The following LRRTM4 variants were observed in gnomAD, a reference collection of about 807,000 sequenced individuals.
The protein encoded by LRRTM4 is leucine rich repeat transmembrane neuronal 4, also known as leucine-rich repeat transmembrane neuronal protein 4.
A neutral mutation model predicts 47.6 loss-of-function variants in LRRTM4; 25 were observed. The observed-to-expected ratio is 0.53, with a 90% confidence interval of 0.38 to 0.73. The LOEUF (loss-of-function observed/expected upper bound fraction) is 0.73. Among genes scored for constraint, LRRTM4 ranks in the 30% least tolerant of loss-of-function variants. The probability of loss-of-function intolerance (pLI) is 0.00; values close to 1 mark genes in which losing one functional copy is unlikely to be tolerated. For synonymous variants in LRRTM4, 311 were observed against 269.5 expected (o/e 1.15, Z -1.51); for missense variants, 638 against 713.4 (o/e 0.89, Z 1.20).
chr2:77,131,973 T>C (rs1340262244), intron 3 of LRRTM4, among the ~76,000 whole-genome samples: 1 of 152,236 alleles, frequency 6.6e-6, no homozygotes, highest in Non-Finnish European at 1.5e-5. Context: ...AGGGTATCCA[T>C]AACCTCAAGT....
rs199691221 is a variant in LRRTM4 at position 77,362,111 on chromosome 2, A to AAGAGAGAG, written c.1551+156206_1551+156207insCTCTCTCT. ...TCAAAAAAGGAAAAGGAAAGAAAGA[A>AAGAGAGAG]AGAGAGAAAGAAAGAAAGAAAGAAA... On this transcript the variant is annotated intron_variant, in intron 3 of 3. Coordinates refer to ENST00000409884, the MANE Select transcript of LRRTM4 (RefSeq NM_001134745.3). Among the ~76,000 whole-genome samples the AAGAGAGAG allele has an allele frequency of 1.8e-3, 241 of 134,762 alleles. 2 individuals are homozygous for AAGAGAGAG. Among genetic ancestry groups the AAGAGAGAG allele is most frequent in the African/African-American group, 5.6e-3 (204 of 36,450 alleles). The allele number at this position is 134,762 out of a possible 152,430, so 88.4% of individuals were successfully genotyped here. A position where few individuals can be genotyped will look rare whatever the true frequency, so the allele number is the denominator to read the frequency against.
At chr2:76,932,162 A>G (rs1379229042) in intron 3 of LRRTM4, among the ~76,000 whole-genome samples, 1 of 152,110 alleles carries the variant, frequency 6.6e-6, no homozygotes. Context: ...GCCACGGAGC[A>G]TCATATCCAG....
intron 3 of LRRTM4, among the ~76,000 whole-genome samples, chr2:77,032,651 AT>A (rs1181070011): frequency 2.6e-5 from 4 of 152,264 alleles, no homozygotes; most frequent in African/African-American, 9.6e-5. Context: ...GCAAAGAAGG[AT>A]CATTAATATA....
chr2:76,863,326 A>G (rs922621299), intron 3 of LRRTM4, among the ~76,000 whole-genome samples: 2 of 152,192 alleles, frequency 1.3e-5, no homozygotes, highest in Non-Finnish European at 2.9e-5. Context: ...GTATTTCCTC[A>G]CTTTTTAAAT....
At chr2:76,794,650 TTTTGTTTATTTTC>T (rs1426525700) in intron 3 of LRRTM4, among the ~76,000 whole-genome samples, 2 of 152,180 alleles carry the variant, frequency 1.3e-5, no homozygotes, top group Non-Finnish European at 2.9e-5. Flanking sequence ...ATTTACATTT[TTTTGTTTATTTTC>T]TTCTTATTCC....
chr2:77,260,582 A>G (rs928902043), intron 3 of LRRTM4, among the ~76,000 whole-genome samples: 2 of 152,104 alleles, frequency 1.3e-5, no homozygotes, highest in Admixed American at 6.6e-5. Flanking sequence ...CTAATTTGCC[A>G]TCATTTAGTT....
At chr2:77,055,212 T>G (rs1015752703) in intron 3 of LRRTM4, among the ~76,000 whole-genome samples, 1 of 152,214 alleles carries the variant, frequency 6.6e-6, no homozygotes, top group Non-Finnish European at 1.5e-5. Flanking sequence ...CTCCCTGGGC[T>G]GCTGGATACC....
chr2:77,305,930 G>A (rs1282484848), intron 3 of LRRTM4, among the ~76,000 whole-genome samples: 1 of 152,054 alleles, frequency 6.6e-6, no homozygotes, highest in East Asian at 1.9e-4. Context: ...CAGGATAATA[G>A]TATGTACATT....
At chr2:77,084,637 G>C (rs972344365) in intron 3 of LRRTM4, among the ~76,000 whole-genome samples, 1 of 152,058 alleles carries the variant, frequency 6.6e-6, no homozygotes, top group African/African-American at 2.4e-5. Flanking sequence ...GACTGATTTT[G>C]GTCTGCCATT....
chr2:77,476,996 G>A (rs1398721985), intron 3 of LRRTM4, among the ~76,000 whole-genome samples: 2 of 96,324 alleles, frequency 2.1e-5, no homozygotes, highest in Non-Finnish European at 5.2e-5. Context: ...GTGTGTGTGT[G>A]TATGTGTGTA....
chr2:76,794,200 AAGCTTAT>A (rs1162370356), intron 3 of LRRTM4, among the ~76,000 whole-genome samples: 95 of 152,342 alleles, frequency 6.2e-4, no homozygotes, highest in Non-Finnish European at 1.5e-4. Flanking sequence ...ATTACTATGT[AAGCTTAT>A]AGCTTATTGA....
In LRRTM4 at chr2:77,429,632, A is replaced by G. The variant is rs188763997; in HGVS notation, c.1551+88686T>C. Among the ~76,000 whole-genome samples the G allele has an allele frequency of 4.9e-3, 752 of 152,316 alleles. 13 individuals carry two copies. The highest frequency in any genetic ancestry group is 0.016 in the African/African-American group (678 of 41,578). ...GAAAAATACCACATAGTTTCACTTT[A>G]TGTGTATGTGGAATCAGAAAAAGTT... On this transcript the variant is annotated intron_variant, in intron 3 of 3. Transcript: ENST00000409884.
At chr2:76,797,973 T>C (rs1023610571) in intron 3 of LRRTM4, among the ~76,000 whole-genome samples, 3 of 148,456 alleles carry the variant, frequency 2.0e-5, no homozygotes, top group African/African-American at 7.5e-5. Context: ...AAGCAAGTCC[T>C]GAGTGACCTA....
At chr2:76,838,937 A>G (rs1184830045) in intron 3 of LRRTM4, among the ~76,000 whole-genome samples, 3 of 152,146 alleles carry the variant, frequency 2.0e-5, no homozygotes, top group African/African-American at 7.2e-5. Context: ...GTTTCAGTTT[A>G]CATAATAATT....
intron 3 of LRRTM4, among the ~76,000 whole-genome samples, chr2:77,321,074 A>T (rs1009169580): frequency 1.1e-4 from 16 of 152,040 alleles, no homozygotes; most frequent in African/African-American, 1.7e-4. Flanking sequence ...TTATTTTTTT[A>T]AAAAAAGGAC....
chr2:77,280,946 CCT>C (rs1053721905), intron 3 of LRRTM4, among the ~76,000 whole-genome samples: 3 of 151,854 alleles, frequency 2.0e-5, no homozygotes, highest in Admixed American at 6.6e-5. Context: ...AAATCCATCC[CCT>C]GTCTGTAGTG....
At chr2:77,256,951 T>C (rs1181635436) in intron 3 of LRRTM4, among the ~76,000 whole-genome samples, 1 of 152,014 alleles carries the variant, frequency 6.6e-6, no homozygotes, top group Non-Finnish European at 1.5e-5. Flanking sequence ...CATGACAAAC[T>C]TGGGTTTATT....
At chr2:77,228,382 C>T (rs1287604266) in intron 3 of LRRTM4, among the ~76,000 whole-genome samples, 1 of 152,110 alleles carries the variant, frequency 6.6e-6, no homozygotes, top group Non-Finnish European at 1.5e-5. Flanking sequence ...GACTGATCTC[C>T]TGTAGACTGG....
intron 3 of LRRTM4, among the ~76,000 whole-genome samples, chr2:77,368,440 G>A (rs1013274298): frequency 8.6e-5 from 13 of 151,552 alleles, no homozygotes; most frequent in Non-Finnish European, 1.6e-4. Context: ...AACATAAGCC[G>A]CCTTTTTAGA....
Sources: allele counts gnomAD v4.1 joint callset (sites outside exome capture counted in the v4.1 genomes callset), GRCh38; gene constraint gnomAD v4.1.1; transcripts MANE v1.5; gene names NCBI Gene and HGNC (gene_info 2026-07-23, HGNC 2026-07-21).